TEX9: variants seen among roughly 807,000 people sequenced by gnomAD.
TEX9 encodes the protein testis-expressed protein 9.
Under a neutral mutation model 59.6 loss-of-function variants are expected in TEX9, and 74 were observed. That is an observed-to-expected ratio of 1.24 (90% CI 1.03 to 1.51). The LOEUF (loss-of-function observed/expected upper bound fraction) is 1.51. Among genes scored for constraint, TEX9 ranks in the 40% most tolerant of loss-of-function variants. The pLI is 0.00. For synonymous variants in TEX9, 186 were observed against 152.2 expected (o/e 1.22, Z -1.64); for missense variants, 522 against 447.8 (o/e 1.17, Z -1.49).
At position 56,412,255 on chromosome 15, in the gene TEX9, A is replaced by C. The variant is rs746240489; in HGVS notation, c.829-47A>C. The C allele has an allele frequency of 9.8e-6, 15 of 1,536,428 alleles. No homozygotes were observed. In the South Asian group the frequency reaches 1.7e-4, roughly 17 times the overall value. On this transcript the variant is annotated intron_variant, in intron 9 of 12. Coordinates refer to ENST00000352903, the Ensembl canonical transcript of TEX9. ...GATACTGCAAAATGATAAAGGGGGA[A>C]ACTATGATATATTTATAAATGTTCC... is the stretch of plus-strand genomic sequence containing the variant.
chr15:56,386,997 A>T (rs906687286), intron 4 of TEX9, among the ~76,000 whole-genome samples: 1 of 146,968 alleles, frequency 6.8e-6, no homozygotes, highest in South Asian at 2.2e-4. Flanking sequence ...ATAGGTCTTC[A>T]ACACCCAGGA....
chr15:56,375,398 G>A (rs1250967552), intron 3 of TEX9, among the ~76,000 whole-genome samples: 2 of 151,212 alleles, frequency 1.3e-5, no homozygotes, highest in Non-Finnish European at 3.0e-5. Flanking sequence ...TGAGTTCATT[G>A]TAGATTCTGG....
chr15:56,341,943 T>C (rs1289455138), intron 1 of TEX9, among the ~76,000 whole-genome samples: 2 of 152,168 alleles, frequency 1.3e-5, no homozygotes, highest in African/African-American at 4.8e-5. Context: ...TGTATTGGTT[T>C]CCCCAGTTTA....
chr15:56,427,648 C>A lies in TEX9; in HGVS notation c.1007C>A (p.Ser336Ter). The change falls in exon 11 of 13, where the codon TCA becomes TAA. Residue 336 changes from serine to a stop codon, truncating the protein, a stop_gained. Transcript: ENST00000352903. LOFTEE classifies it high-confidence loss of function. Reference sequence around the variant, plus strand: ...CACAAAAAAATTGAAGTGTTAAAATCAGAAAACAAGAAGCTAGAAAAACAA... The same window carrying A: ...CACAAAAAAATTGAAGTGTTAAAATAAGAAAACAAGAAGCTAGAAAAACAA... 1 of 1,545,482 alleles carries A rather than the reference C, an allele frequency of 6.5e-7. No individual in the cohort carries two copies. Among genetic ancestry groups the A allele is most frequent in the Non-Finnish European group, 8.7e-7 (1 of 1,147,262 alleles).
At chr15:56,313,205 G>T (rs1304239423) in intron 1 of TEX9, among the ~76,000 whole-genome samples, 1 of 147,322 alleles carries the variant, frequency 6.8e-6, no homozygotes, top group Non-Finnish European at 1.5e-5. Context: ...GGTGAGAGAG[G>T]GCATCCCTGT....
intron 1 of TEX9, among the ~76,000 whole-genome samples, chr15:56,327,109 A>G (rs551526042): frequency 6.6e-6 from 1 of 152,324 alleles, no homozygotes; most frequent in African/African-American, 2.4e-5. Flanking sequence ...CCAAATGCAT[A>G]TATACTTGAA....
intron 1 of TEX9, among the ~76,000 whole-genome samples, chr15:56,353,117 G>T (rs1359056637): frequency 6.6e-6 from 1 of 152,152 alleles, no homozygotes; most frequent in Non-Finnish European, 1.5e-5. Flanking sequence ...TAAGTACAGG[G>T]AGCACTACTG....
rs1158265517 is a variant in TEX9, at chr15:56,431,258, T to G, written c.*29+2785T>G. 17 of 1,225,412 alleles carry G rather than the reference T, an allele frequency of 1.4e-5. No individual in the cohort carries two copies. In the Admixed American group the frequency reaches 3.9e-4, roughly 28 times the overall value. 75.9% of individuals were successfully genotyped at this position (1,225,412 alleles called of 1,614,324 possible). A position where few individuals can be genotyped will look rare whatever the true frequency, so the allele number is the denominator to read the frequency against. ...TGCCTGGACAGGAGGATCCCATTGC[T>G]GCTTCATAACCGAGCAAGAAGTGAG... On this transcript the variant is annotated intron_variant, in intron 12 of 12. Transcript: ENST00000352903.
intron 1 of TEX9, among the ~76,000 whole-genome samples, chr15:56,353,381 G>A (rs1307554556): frequency 2.6e-5 from 4 of 151,820 alleles, no homozygotes; most frequent in Non-Finnish European, 4.4e-5. Flanking sequence ...CTCAACTTCC[G>A]GTATTTTTAC....
chr15:56,293,253 C>T (rs2045138275), intron 1 of TEX9, among the ~76,000 whole-genome samples: 1 of 152,080 alleles, frequency 6.6e-6, no homozygotes, highest in Non-Finnish European at 1.5e-5. Context: ...GGGAGGACCC[C>T]TTGAACCCAA....
downstream of TEX9, among the ~76,000 whole-genome samples, chr15:56,446,192 T>C (rs146447872): frequency 2.0e-3 from 302 of 152,180 alleles, 5 homozygotes; most frequent in African/African-American, 7.0e-3. Flanking sequence ...TAGATATGTA[T>C]GTGTATATAA....
At chr15:56,416,480 G>A (rs899669444) in intron 10 of TEX9, among the ~76,000 whole-genome samples, 22 of 151,770 alleles carry the variant, frequency 1.4e-4, no homozygotes, top group African/African-American at 5.3e-4. Context: ...CGTGGTTTTT[G>A]TCTTAATTCT....
intron 1 of TEX9, among the ~76,000 whole-genome samples, chr15:56,319,986 G>A (rs2045866837): frequency 6.6e-6 from 1 of 152,156 alleles, no homozygotes; most frequent in African/African-American, 2.4e-5. Context: ...GCTGAACAGA[G>A]ACAAAACTCT....
intron 1 of TEX9, among the ~76,000 whole-genome samples, chr15:56,299,300 G>A (rs976585264): frequency 8.5e-5 from 13 of 152,208 alleles, no homozygotes; most frequent in Non-Finnish European, 1.2e-4. Flanking sequence ...GCCACACAGC[G>A]CAGAAAGTAG....
chr15:56,367,887 C>T (rs1441199876), intron 2 of TEX9, among the ~76,000 whole-genome samples: 1 of 152,126 alleles, frequency 6.6e-6, no homozygotes, highest in African/African-American at 2.4e-5. Context: ...ACACACAGAT[C>T]TTCAGTCCTG....
rs1270130771 is a variant in TEX9 at position 56,269,227 on chromosome 15, A to G, written c.-107+24949A>G. ...ATTCTTCTCTCTTTTCTTCTTTATG[A>G]GTCTTGCTAGCGGTCTATCAATTTT... On this transcript the variant is annotated intron_variant, in intron 1 of 5. Transcript: ENST00000560827. Among the ~76,000 whole-genome samples, 6 of 151,812 alleles carry G rather than the reference A, an allele frequency of 4.0e-5. No homozygotes were observed. In the East Asian group the frequency reaches 1.2e-3, roughly 29 times the overall value.
chr15:56,353,341 G>T (rs1392923094), intron 1 of TEX9, among the ~76,000 whole-genome samples: 1 of 152,060 alleles, frequency 6.6e-6, no homozygotes, highest in Non-Finnish European at 1.5e-5. Context: ...TTGACTATTT[G>T]TAAGTAAAAA....
intron 1 of TEX9, among the ~76,000 whole-genome samples, chr15:56,336,922 C>T (rs564133797): frequency 6.6e-6 from 1 of 152,208 alleles, no homozygotes; most frequent in South Asian, 2.1e-4. Context: ...CTGTGAACTG[C>T]AAGTGTTTGA....
chr15:56,369,547 C>T (rs1339162351), intron 2 of TEX9, among the ~76,000 whole-genome samples: 1 of 152,022 alleles, frequency 6.6e-6, no homozygotes, highest in African/African-American at 2.4e-5. Flanking sequence ...GTTGCCCAGG[C>T]TGGTCTTTAA....
Sources: allele counts gnomAD v4.1 joint callset (sites outside exome capture counted in the v4.1 genomes callset), GRCh38; gene constraint gnomAD v4.1.1; transcripts MANE v1.5; gene names NCBI Gene and HGNC (gene_info 2026-07-23, HGNC 2026-07-21).